Variants in HYCC1 observed in about 807,000 individuals in gnomAD.
HYCC1 encodes the protein hyccin.
the HYCC1 span, among the ~76,000 whole-genome samples, chr7:22,914,210 G>A: frequency 3.9e-5 from 6 of 152,268 alleles, no homozygotes; most frequent in South Asian, 2.1e-4. Flanking sequence ...TGATCACCGC[G>A]GGGACGCCTG....
chr7:22,979,004 T>A, the HYCC1 span, among the ~76,000 whole-genome samples: 1 of 152,280 alleles, frequency 6.6e-6, no homozygotes, highest in African/African-American at 2.4e-5. Flanking sequence ...TTAAAGCATA[T>A]ACAATGATTG....
chr7:22,902,905 A>G, the HYCC1 span, among the ~76,000 whole-genome samples: 1 of 152,166 alleles, frequency 6.6e-6, no homozygotes, highest in African/African-American at 2.4e-5. Flanking sequence ...AATGGAAGAA[A>G]TGATAAATTA....
At chr7:22,907,161 C>A in the HYCC1 span, among the ~76,000 whole-genome samples, 2 of 142,266 alleles carry the variant, frequency 1.4e-5, no homozygotes, top group East Asian at 4.3e-4. Context: ...ACAAGTCAAT[C>A]ACCTGGCCCA....
chr7:22,939,633 G>A, the HYCC1 span: 2 of 152,304 alleles, frequency 1.3e-5, no homozygotes, highest in South Asian at 2.1e-4. Context: ...CTGTAAGACA[G>A]ATGGGGTGAG....
the HYCC1 span, among the ~76,000 whole-genome samples, chr7:22,992,313 A>T: frequency 6.6e-6 from 1 of 152,118 alleles, no homozygotes; most frequent in Non-Finnish European, 1.5e-5. Context: ...TCACTCATAA[A>T]AGATTACTTG....
chr7:22,943,341 C>T, the HYCC1 span: 2 of 152,110 alleles, frequency 1.3e-5, no homozygotes, highest in African/African-American at 4.8e-5. Context: ...AATTTGTTTG[C>T]ACTCTGATAC....
At chr7:22,991,592 T>C in the HYCC1 span, among the ~76,000 whole-genome samples, 1 of 152,140 alleles carries the variant, frequency 6.6e-6, no homozygotes, top group East Asian at 1.9e-4. Context: ...AGGCAAGCCA[T>C]GTGGTTTCTT....
chr7:22,924,288 A>C, the HYCC1 span, among the ~76,000 whole-genome samples: 1 of 151,902 alleles, frequency 6.6e-6, no homozygotes, highest in East Asian at 1.9e-4. Context: ...CCGCATTTCC[A>C]ACTGAGGTAA....
At chr7:22,911,940 T>C in the HYCC1 span, among the ~76,000 whole-genome samples, 1 of 152,190 alleles carries the variant, frequency 6.6e-6, no homozygotes, top group Non-Finnish European at 1.5e-5. Context: ...GACAAATGTG[T>C]TTGAAGCTTG....
chr7:22,934,651 C>A, the HYCC1 span: 1 of 152,190 alleles, frequency 6.6e-6, no homozygotes, highest in Non-Finnish European at 1.5e-5. Context: ...TACTACAAAG[C>A]AAATCAGCAA....
the HYCC1 span, among the ~76,000 whole-genome samples, chr7:22,915,843 C>A: frequency 2.0e-5 from 3 of 151,934 alleles, no homozygotes; most frequent in Non-Finnish European, 2.9e-5. Context: ...TTTTAGTTAT[C>A]CCCACCTGCC....
the HYCC1 span, among the ~76,000 whole-genome samples, chr7:22,926,774 C>T: frequency 1.9e-3 from 291 of 151,234 alleles, 1 homozygote; most frequent in African/African-American, 5.9e-3. Flanking sequence ...GACAGATCAA[C>T]GAGACAGAAA....
the HYCC1 span, among the ~76,000 whole-genome samples, chr7:22,946,407 C>T: frequency 1.3e-5 from 2 of 151,568 alleles, no homozygotes; most frequent in African/African-American, 4.8e-5. Context: ...TAAACCATAC[C>T]CCATTAAGTT....
chr7:22,947,246 C>T, the HYCC1 span: 1 of 1,548,782 alleles, frequency 6.5e-7, no homozygotes, highest in South Asian at 1.2e-5. Flanking sequence ...TGTCAGGTTG[C>T]TCTAGAATTG....
the HYCC1 span, among the ~76,000 whole-genome samples, chr7:22,992,045 A>G: frequency 1.3e-5 from 2 of 152,048 alleles, no homozygotes; most frequent in Non-Finnish European, 2.9e-5. Flanking sequence ...CCTATTTGCA[A>G]GGAGTTATTG....
At chr7:23,002,161 T>TATATATATATATACAA in the HYCC1 span, among the ~76,000 whole-genome samples, 1 of 60,260 alleles carries the variant, frequency 1.7e-5, no homozygotes, top group Non-Finnish European at 3.5e-5. Flanking sequence ...TATATATATA[T>TATATATATATATACAA]ATATATATAT....
the HYCC1 span, chr7:22,977,492 T>G: frequency 1.1e-6 from 1 of 915,988 alleles, no homozygotes; most frequent in African/African-American, 1.7e-5. Context: ...TAAATTTAAA[T>G]AGTCTAAAAC....
the HYCC1 span, among the ~76,000 whole-genome samples, chr7:22,897,253 C>G: frequency 6.6e-6 from 1 of 152,000 alleles, no homozygotes; most frequent in Non-Finnish European, 1.5e-5. Context: ...GAGGGAGGTA[C>G]GTGGAACTAG....
chr7:22,951,694 C>A, the HYCC1 span, among the ~76,000 whole-genome samples: 1 of 151,734 alleles, frequency 6.6e-6, no homozygotes, highest in South Asian at 2.1e-4. Flanking sequence ...TAGCAAAACT[C>A]AGAAACAAAT....
Sources: allele counts gnomAD v4.1 joint callset (sites outside exome capture counted in the v4.1 genomes callset), GRCh38; gene constraint gnomAD v4.1.1; transcripts MANE v1.5; gene names NCBI Gene and HGNC (gene_info 2026-07-23, HGNC 2026-07-21).